SDCCAG8: variants seen among roughly 807,000 people sequenced by gnomAD.
SDCCAG8 encodes SHH signaling and ciliogenesis regulator SDCCAG8.
In SDCCAG8, 74 loss-of-function variants were observed where a neutral mutation model predicts 101.8. The observed-to-expected ratio is 0.73, with a 90% CI of 0.60 to 0.88. The LOEUF (loss-of-function observed/expected upper bound fraction) is 0.88. Ranked by LOEUF, SDCCAG8 falls within the 40% of genes least tolerant of loss-of-function variation. SDCCAG8 has a pLI of 0.00. For missense variants in SDCCAG8, 787 were observed against 822.6 expected (o/e 0.96, Z 0.53); for synonymous variants, 281 against 292.9 (o/e 0.96, Z 0.41).
chr1:243,325,309 A>G (rs916706970), intron 9 of SDCCAG8, among the ~76,000 whole-genome samples: 69 of 152,232 alleles, frequency 4.5e-4, no homozygotes, highest in African/African-American at 1.7e-3. Context: ...ATTAGTAATA[A>G]TGAATGCAAG....
intron 13 of SDCCAG8, among the ~76,000 whole-genome samples, chr1:243,382,879 C>T (rs1335674938): frequency 6.6e-6 from 1 of 152,138 alleles, no homozygotes; most frequent in Non-Finnish European, 1.5e-5. Flanking sequence ...TTAAAGGTGA[C>T]TGTAAGTTTT....
At chr1:243,341,266 G>A (rs1459218559) in intron 11 of SDCCAG8, 93 bp downstream of exon 11, 1 of 1,435,624 alleles carries the variant, frequency 7.0e-7, no homozygotes, top group East Asian at 2.3e-5. Context: ...CTGTTATCAG[G>A]AGGAAGTTTG....
In SDCCAG8 at chr1:243,417,950, G is replaced by A; in HGVS notation, c.1745-18G>A. 1 of 1,548,610 alleles carries A rather than the reference G, an allele frequency of 6.5e-7. No individual in the cohort carries two copies. The highest frequency in any genetic ancestry group is 8.9e-7 in the Non-Finnish European group (1 of 1,120,830). On this transcript the variant is annotated intron_variant, in intron 14 of 17. Transcript: ENST00000366541. The stretch of plus-strand genomic sequence containing the variant: ...CCATAAACATCTTATGTTGGTGGGG[G>A]TTTATTGTTATTTCTAGAAAATGAA...
intron 16 of SDCCAG8, among the ~76,000 whole-genome samples, chr1:243,471,449 C>CT (rs1661252402): frequency 6.6e-6 from 1 of 152,290 alleles, no homozygotes; most frequent in African/African-American, 2.4e-5. Context: ...GCCTCTGTGT[C>CT]TGCCTGAACT....
rs534158248 is a variant in SDCCAG8 at position 243,405,632 on chromosome 1, C to A, written c.1617-10070C>A. 1.3e-4 allele frequency among the ~76,000 whole-genome samples: 20 copies of A among 152,190 alleles called. No homozygotes were observed. The South Asian group carries it at 3.7e-3, about 28-fold the overall frequency. ...AGCTTATTGTATTTGGTATAGTTTG[C>A]TTAAGAAAGCAGACATAATTAACAC... On this transcript the variant is annotated intron_variant, in intron 13 of 17. Coordinates refer to ENST00000366541, the MANE Select transcript of SDCCAG8 (RefSeq NM_006642.5).
intron 13 of SDCCAG8, among the ~76,000 whole-genome samples, chr1:243,394,141 C>G (rs537169967): frequency 5.1e-4 from 77 of 152,124 alleles, no homozygotes; most frequent in African/African-American, 1.9e-3. Context: ...TTGAACTTGT[C>G]TATTTCTTTT....
intron 15 of SDCCAG8, among the ~76,000 whole-genome samples, chr1:243,421,707 C>T (rs2081019675): frequency 6.6e-6 from 1 of 152,088 alleles, no homozygotes; most frequent in African/African-American, 2.4e-5. Flanking sequence ...AGAATTAATT[C>T]CATTTTGCTT....
At chr1:243,330,809 A>T (rs1035568153) in intron 10 of SDCCAG8, 117 bp downstream of exon 10, 10 of 938,348 alleles carry the variant, frequency 1.1e-5, no homozygotes, top group Non-Finnish European at 1.6e-5. Context: ...TCGTTATTAT[A>T]TAAGTAGTTA....
chr1:243,398,558 G>A lies in SDCCAG8; in HGVS notation c.1617-17144G>A, dbSNP rs532244728. On this transcript the variant is annotated intron_variant, in intron 13 of 17. Transcript: ENST00000366541. ...TTAATCTAAAATTTTATATAAAATCGATTGGAGTATCCTTGCTTTGATTAT... is the reference window on the plus strand; with the variant it reads ...TTAATCTAAAATTTTATATAAAATCAATTGGAGTATCCTTGCTTTGATTAT... Among the ~76,000 whole-genome samples the A allele has an allele frequency of 9.2e-5, 14 of 152,050 alleles. No homozygotes were observed. The South Asian group carries it at 1.2e-3, about 14-fold the overall frequency.
At chr1:243,291,320 C>G (rs1422072481) in intron 5 of SDCCAG8, among the ~76,000 whole-genome samples, 1 of 152,208 alleles carries the variant, frequency 6.6e-6, no homozygotes, top group Non-Finnish European at 1.5e-5. Context: ...AATGGGTACA[C>G]TAAATTCAAC....
chr1:243,457,709 C>A (rs1028555300), intron 16 of SDCCAG8, among the ~76,000 whole-genome samples: 1 of 152,122 alleles, frequency 6.6e-6, no homozygotes, highest in Non-Finnish European at 1.5e-5. Flanking sequence ...TGATTTAAGT[C>A]GCTCAAAATT....
intron 10 of SDCCAG8, among the ~76,000 whole-genome samples, chr1:243,339,145 A>AGAAAGTGGGGG (rs2075234093): frequency 7.5e-6 from 1 of 133,834 alleles, no homozygotes; most frequent in African/African-American, 2.9e-5. Flanking sequence ...GGGCAGAGGA[A>AGAAAGTGGGGG]GGGAATGATG....
intron 12 of SDCCAG8, 110 bp downstream of exon 12, chr1:243,344,441 T>C: frequency 1.1e-6 from 1 of 914,830 alleles, no homozygotes; most frequent in Non-Finnish European, 1.8e-6. Flanking sequence ...TTCTAACTAA[T>C]GGGATGATCC....
intron 16 of SDCCAG8, among the ~76,000 whole-genome samples, chr1:243,441,802 C>A: frequency 6.6e-6 from 1 of 152,100 alleles, no homozygotes; most frequent in Non-Finnish European, 1.5e-5. Context: ...TAATTTATGA[C>A]CCTTTCTAGA....
rs797045947 is a variant in SDCCAG8 at position 243,286,332 on chromosome 1, C to T, written c.481C>T (p.Gln161Ter). Residue 161 changes from glutamine (Q) to a stop codon, truncating the protein, a stop_gained, in exon 5 of 18, where the codon CAG (glutamine) becomes TAG (stop). Coordinates refer to ENST00000366541, the MANE Select transcript of SDCCAG8 (RefSeq NM_006642.5). LOFTEE classifies it high-confidence loss of function. ...QVVVLENEGLQQQLKSQRQEE... is the reference protein window; with the variant it reads ...QVVVLENEGL ...AGTTGTGCTTGAAAACGAAGGGCTC[C>T]AGCAACAGCTAAAATCTCAAAGACA... 2.5e-6 allele frequency: 4 copies of T among 1,613,680 alleles called. No homozygotes were observed. In the Admixed American group the frequency reaches 5.0e-5, roughly 20 times the overall value.
chr1:243,402,188 G>C (rs760590793), intron 13 of SDCCAG8, among the ~76,000 whole-genome samples: 2 of 152,222 alleles, frequency 1.3e-5, no homozygotes, highest in South Asian at 4.1e-4. Context: ...AACACTTTAG[G>C]AGGCCGAGGT....
chr1:243,399,631 C>G lies in SDCCAG8; in HGVS notation c.1617-16071C>G, dbSNP rs139944953. On this transcript the variant is annotated intron_variant, in intron 13 of 17. Coordinates refer to ENST00000366541, the MANE Select transcript of SDCCAG8 (RefSeq NM_006642.5). ...AAGTGATTCTCCTGCCTCAGCCTCC[C>G]GAGTAGCCAGGATTACAGGCGTGCA... Among the ~76,000 whole-genome samples the G allele has an allele frequency of 6.3e-3, 960 of 152,104 alleles. 16 individuals are homozygous for G. Among genetic ancestry groups the G allele is most frequent in the African/African-American group, 0.021 (876 of 41,478 alleles).
intron 13 of SDCCAG8, among the ~76,000 whole-genome samples, chr1:243,383,767 C>CATG (rs777880057): frequency 5.3e-5 from 8 of 152,300 alleles, no homozygotes; most frequent in Non-Finnish European, 1.0e-4. Flanking sequence ...CAAATGACAA[C>CATG]ATGGCATGTG....
chr1:243,307,389 TAC>T, intron 7 of SDCCAG8: 1 of 984,200 alleles, frequency 1.0e-6, no homozygotes, highest in Non-Finnish European at 1.2e-6. Flanking sequence ...TTCTGTAACT[TAC>T]TTTCTTTTGA....
Sources: allele counts gnomAD v4.1 joint callset (sites outside exome capture counted in the v4.1 genomes callset), GRCh38; gene constraint gnomAD v4.1.1; transcripts MANE v1.5; gene names NCBI Gene and HGNC (gene_info 2026-07-23, HGNC 2026-07-21).